RGS3: variants seen among roughly 807,000 people sequenced by gnomAD.
RGS3 encodes the protein regulator of G protein signaling 3, also known as regulator of G-protein signalling 3.
In RGS3, 80 loss-of-function variants were observed where a neutral mutation model predicts 132.6. The ratio of observed to expected loss-of-function variants is 0.60; its 90% CI spans 0.50 to 0.73. The LOEUF is 0.73. Ranked by LOEUF, RGS3 falls within the 30% of genes least tolerant of loss-of-function variation. The pLI is 0.00. For synonymous variants in RGS3, 598 were observed against 620.6 expected, an observed-to-expected ratio of 0.96 and a Z score of 0.54; for missense variants, 1,382 against 1,530.8, an observed-to-expected ratio of 0.90 and a Z score of 1.62.
At chr9:113,475,888 A>G (rs1829977595) in intron 3 of RGS3, among the ~76,000 whole-genome samples, 2 of 151,844 alleles carry the variant, frequency 1.3e-5, no homozygotes, top group African/African-American at 4.8e-5. Context: ...TTCTTTCTCT[A>G]GATTGGAGAC....
intron 19 of RGS3, chr9:113,582,707 G>A (rs1176828485): frequency 1.3e-5 from 2 of 152,134 alleles, no homozygotes; most frequent in East Asian, 3.8e-4. Flanking sequence ...AAACCCCCTA[G>A]GATCCCGAGG....
chr9:113,538,763 T>A (rs1832784367), intron 19 of RGS3, among the ~76,000 whole-genome samples: 2 of 152,154 alleles, frequency 1.3e-5, no homozygotes, highest in African/African-American at 2.4e-5. Context: ...AAACGCGTGT[T>A]CCATGGAGAA....
At chr9:113,504,516 C>T (rs543060327) in intron 10 of RGS3, among the ~76,000 whole-genome samples, 2 of 152,292 alleles carry the variant, frequency 1.3e-5, no homozygotes, top group East Asian at 3.9e-4. Flanking sequence ...CGTCCATAGT[C>T]GGAGCATAAA....
At chr9:113,499,377 C>T (rs1020066425) in intron 10 of RGS3, among the ~76,000 whole-genome samples, 8 of 152,196 alleles carry the variant, frequency 5.3e-5, no homozygotes, top group Non-Finnish European at 1.2e-4. Flanking sequence ...TGGTTCAGAG[C>T]ATTAGGCCCT....
intron 18 of RGS3, among the ~76,000 whole-genome samples, chr9:113,533,469 GATC>G (rs1241206544): frequency 6.6e-6 from 1 of 152,208 alleles, no homozygotes; most frequent in African/African-American, 2.4e-5. Context: ...GACCTCAGGT[GATC>G]TGCCTGCCTC....
At chr9:113,541,212 A>T in intron 19 of RGS3, 2 of 1,150,762 alleles carry the variant, frequency 1.7e-6, no homozygotes, top group Non-Finnish European at 2.5e-6. Flanking sequence ...AGCCCTGGAG[A>T]TGCCAGGGTG....
chr9:113,553,021 A>G (rs972646319), intron 19 of RGS3, among the ~76,000 whole-genome samples: 7 of 152,154 alleles, frequency 4.6e-5, no homozygotes, highest in Non-Finnish European at 8.8e-5. Context: ...CCCATTTCCA[A>G]TCAATAATTA....
intron 14 of RGS3, 25 bp from the exon 13 acceptor site, chr9:113,514,433 A>G (rs1170656494): frequency 1.1e-5 from 17 of 1,602,458 alleles, no homozygotes; most frequent in Non-Finnish European, 1.4e-5. Flanking sequence ...GAAATGTCTC[A>G]TAGTCCCCCA....
At chr9:113,582,256 C>T in intron 19 of RGS3, 1 of 953,170 alleles carries the variant, frequency 1.0e-6, no homozygotes, top group Non-Finnish European at 1.2e-6. Context: ...AGTCACCGGC[C>T]TTTGGGCTCA....
chr9:113,515,737 A>T (rs1213676141), intron 15 of RGS3, among the ~76,000 whole-genome samples: 2 of 152,244 alleles, frequency 1.3e-5, no homozygotes, highest in African/African-American at 4.8e-5. Flanking sequence ...TATGCACATT[A>T]AAAAACAGAC....
chr9:113,511,091 C>T (rs1277960113), intron 14 of RGS3, among the ~76,000 whole-genome samples: 1 of 152,168 alleles, frequency 6.6e-6, no homozygotes, highest in Admixed American at 6.5e-5. Context: ...GTCTGGTGCC[C>T]TTCCGGAGCC....
At chr9:113,478,915 C>G (rs771502475) in intron 3 of RGS3, 1 of 155,014 alleles carries the variant, frequency 6.5e-6, no homozygotes, top group Non-Finnish European at 1.4e-5. Flanking sequence ...TCATACTATT[C>G]CATATACAGC....
upstream of RGS3, among the ~76,000 whole-genome samples, chr9:113,458,168 T>TG (rs1479835777): frequency 1.3e-5 from 2 of 152,206 alleles, no homozygotes; most frequent in Non-Finnish European, 2.9e-5. Context: ...CCGCCTGCCT[T>TG]GGCCTCCCAA....
intron 7 of RGS3, among the ~76,000 whole-genome samples, chr9:113,491,562 C>CT (rs906998998): frequency 3.4e-5 from 5 of 147,796 alleles, no homozygotes; most frequent in African/African-American, 1.0e-4. Context: ...AGGACATAAT[C>CT]TTTTTTTTTT....
Position 113,464,277 on chromosome 9 carries a change from G to A in RGS3, c.415+2076G>A, listed in dbSNP as rs368637372. Among the ~76,000 whole-genome samples the A allele has an allele frequency of 1.8e-4, 28 of 152,344 alleles. No individual in the cohort carries two copies. In the East Asian group the frequency reaches 4.2e-3, roughly 23 times the overall value. ...CCCACTTTCCTTTGGCTCAGGGAGC[G>A]GACAGGTGCTGGGCCCTTTGGCCCT... On this transcript the variant is annotated intron_variant, in intron 3 of 24. Transcript: ENST00000350696.
At chr9:113,473,956 G>C (rs1025128745) in intron 3 of RGS3, among the ~76,000 whole-genome samples, 1 of 152,150 alleles carries the variant, frequency 6.6e-6, no homozygotes, top group African/African-American at 2.4e-5. Context: ...ACTGCTAGTG[G>C]TGTTATGATC....
chr9:113,478,634 C>T (rs1395034843), intron 3 of RGS3, among the ~76,000 whole-genome samples: 1 of 151,960 alleles, frequency 6.6e-6, no homozygotes, highest in African/African-American at 2.4e-5. Flanking sequence ...CACAGCAAGA[C>T]CCCTTCTGTA....
chr9:113,448,772 T>C (rs1450759243), intron 1 of RGS3, among the ~76,000 whole-genome samples: 1 of 152,228 alleles, frequency 6.6e-6, no homozygotes, highest in Non-Finnish European at 1.5e-5. Flanking sequence ...ATATGATGTG[T>C]CTTCTTTCTT....
At chr9:113,553,060 A>G (rs1003222543) in intron 19 of RGS3, among the ~76,000 whole-genome samples, 4 of 152,038 alleles carry the variant, frequency 2.6e-5, no homozygotes, top group East Asian at 1.9e-4. Flanking sequence ...GGTTCCTCCA[A>G]ATTTTCCCCC....
Sources: gnomAD v4.1 joint callset for allele counts (sites outside exome capture counted in the v4.1 genomes callset) on GRCh38, gnomAD v4.1.1 for gene constraint, MANE v1.5 for transcripts, NCBI Gene and HGNC (gene_info 2026-07-23, HGNC 2026-07-21) for gene names.